Variants in PNKD observed in about 807,000 individuals in gnomAD.
The protein encoded by PNKD is PNKD metallo-beta-lactamase domain containing, also known as probable thioesterase PNKD.
In PNKD, 36 loss-of-function variants were observed where a neutral mutation model predicts 45.3. The ratio of observed to expected loss-of-function variants is 0.80; its 90% CI spans 0.61 to 1.05. The LOEUF is 1.05. Ranked by LOEUF, PNKD falls within the 50% of genes least tolerant of loss-of-function variation. The pLI, the probability that PNKD is intolerant of heterozygous loss-of-function variation, is 0.00. For synonymous variants in PNKD, 197 were observed against 210.1 expected, an observed-to-expected ratio of 0.94 and a Z score of 0.54; for missense variants, 511 against 506.6, an observed-to-expected ratio of 1.01 and a Z score of -0.08.
At chr2:218,307,303 A>G (rs189698030) in intron 2 of PNKD, among the ~76,000 whole-genome samples, 7 of 152,062 alleles carry the variant, frequency 4.6e-5, no homozygotes. Flanking sequence ...CTAGATTTCT[A>G]TTATTATTAC....
intron 2 of PNKD, chr2:218,278,935 T>G: frequency 7.1e-7 from 1 of 1,399,390 alleles, no homozygotes. Context: ...TTGGGGGCCC[T>G]CTCAAAAAGC....
intron 2 of PNKD, chr2:218,286,782 G>A (rs1007824725): frequency 6.6e-6 from 1 of 152,258 alleles, no homozygotes; most frequent in Non-Finnish European, 1.5e-5. Context: ...ATGTGTACTG[G>A]AGGGAGGGAT....
At chr2:218,310,783 G>A (rs1343187396) in intron 2 of PNKD, among the ~76,000 whole-genome samples, 1 of 151,686 alleles carries the variant, frequency 6.6e-6, no homozygotes, top group Non-Finnish European at 1.5e-5. Flanking sequence ...GTAGAGATGG[G>A]GTTTCACCAT....
intron 2 of PNKD, chr2:218,277,335 G>A (rs763639182): frequency 7.5e-6 from 12 of 1,598,768 alleles, no homozygotes; most frequent in Non-Finnish European, 1.0e-5. Context: ...GGGGAGTCGG[G>A]GGGCCAGGGA....
At chr2:218,330,895 C>T (rs755359573) in intron 2 of PNKD, among the ~76,000 whole-genome samples, 1 of 152,356 alleles carries the variant, frequency 6.6e-6, no homozygotes, top group South Asian at 2.1e-4. Flanking sequence ...ACATCTGGGC[C>T]TAGGGCATCA....
chr2:218,320,254 A>G (rs1445746365), intron 2 of PNKD, among the ~76,000 whole-genome samples: 2 of 152,244 alleles, frequency 1.3e-5, no homozygotes, highest in Non-Finnish European at 2.9e-5. Flanking sequence ...TAATTGACAC[A>G]CAATAATTGT....
chr2:218,314,994 TTTTC>T lies in PNKD; in HGVS notation c.237-24773_237-24770del, dbSNP rs1284378720. Reference sequence around the variant, plus strand: ...CATGAGCCACTATGCCCGCCTGAGGTTTTCTTTCTTTCTTTCTTTTTCTTTCTTT... The same window carrying T: ...CATGAGCCACTATGCCCGCCTGAGGTTTTCTTTCTTTCTTTTTCTTTCTTT... On this transcript the variant is annotated intron_variant, in intron 2 of 9. Coordinates refer to ENST00000273077, the MANE Select transcript of PNKD (RefSeq NM_015488.5). 1.5e-4 allele frequency among the ~76,000 whole-genome samples: 20 copies of T among 136,988 alleles called. No individual in the cohort carries two copies. In the Admixed American group the frequency reaches 1.5e-3, roughly 10 times the overall value. 89.9% of individuals were successfully genotyped at this position (136,988 alleles called of 152,430 possible).
At chr2:218,322,210 C>G (rs1392845413) in intron 2 of PNKD, among the ~76,000 whole-genome samples, 1 of 152,218 alleles carries the variant, frequency 6.6e-6, no homozygotes, top group Non-Finnish European at 1.5e-5. Context: ...GCGTGAGCCA[C>G]CGCGCCTGGC....
intron 2 of PNKD, among the ~76,000 whole-genome samples, chr2:218,302,898 A>G (rs1468513352): frequency 6.6e-6 from 1 of 151,958 alleles, no homozygotes; most frequent in East Asian, 1.9e-4. Flanking sequence ...AATTGATTAA[A>G]AGAGTTACCT....
chr2:218,307,464 T>C (rs868118377), intron 2 of PNKD, among the ~76,000 whole-genome samples: 23 of 152,224 alleles, frequency 1.5e-4, no homozygotes, highest in Middle Eastern at 3.4e-3. Context: ...ATAAGGAGCA[T>C]GTAACCTACA....
intron 2 of PNKD, among the ~76,000 whole-genome samples, chr2:218,306,136 C>G (rs1296836581): frequency 6.6e-6 from 1 of 152,126 alleles, no homozygotes; most frequent in Non-Finnish European, 1.5e-5. Context: ...AGACGGGACA[C>G]ATGTGGAGGG....
chr2:218,309,849 C>T (rs1339506898), intron 2 of PNKD, among the ~76,000 whole-genome samples: 11 of 151,458 alleles, frequency 7.3e-5, no homozygotes, highest in African/African-American at 2.2e-4. Flanking sequence ...GGAGGAGAAT[C>T]GCTTGAACCT....
chr2:218,302,912 G>A (rs1029432899), intron 2 of PNKD, among the ~76,000 whole-genome samples: 11 of 151,928 alleles, frequency 7.2e-5, no homozygotes, highest in Non-Finnish European at 1.6e-4. Flanking sequence ...GTTACCTAAA[G>A]GCCTGGAGGT....
chr2:218,336,912 G>A (rs1340530393), intron 2 of PNKD, among the ~76,000 whole-genome samples: 2 of 140,436 alleles, frequency 1.4e-5, no homozygotes, highest in African/African-American at 2.7e-5. Context: ...TGATTCTCCT[G>A]CCTCAGCCTC....
intron 2 of PNKD, among the ~76,000 whole-genome samples, chr2:218,337,285 G>C (rs1694525983): frequency 6.6e-6 from 1 of 152,092 alleles, no homozygotes; most frequent in African/African-American, 2.4e-5. Context: ...ATCTTGGCCA[G>C]GCTGGTCTTG....
At chr2:218,273,032 C>T in intron 2 of PNKD, 1 of 980,968 alleles carries the variant, frequency 1.0e-6, no homozygotes, top group Non-Finnish European at 1.4e-6. Flanking sequence ...TCACAGAGCT[C>T]AGTGTTCCCA....
At chr2:218,329,815 A>T (rs1694267648) in intron 2 of PNKD, among the ~76,000 whole-genome samples, 1 of 152,252 alleles carries the variant, frequency 6.6e-6, no homozygotes, top group Admixed American at 6.5e-5. Flanking sequence ...TGCACAAAAC[A>T]TGGAGCTGCT....
intron 2 of PNKD, chr2:218,323,250 C>G (rs1252685566): frequency 6.8e-7 from 1 of 1,474,882 alleles, no homozygotes; most frequent in Non-Finnish European, 8.9e-7. Flanking sequence ...GCCCGGCCGG[C>G]GCGTGCCTGC....
intron 2 of PNKD, among the ~76,000 whole-genome samples, chr2:218,308,794 A>T (rs1245321329): frequency 6.6e-6 from 1 of 151,224 alleles, no homozygotes; most frequent in Non-Finnish European, 1.5e-5. Flanking sequence ...CATGTTGGCC[A>T]GGCTGGTCTC....
Sources: allele counts gnomAD v4.1 joint callset (sites outside exome capture counted in the v4.1 genomes callset), GRCh38; gene constraint gnomAD v4.1.1; transcripts MANE v1.5; gene names NCBI Gene and HGNC (gene_info 2026-07-23, HGNC 2026-07-21).